FRMD4B: variants seen among roughly 807,000 people sequenced by gnomAD.
FRMD4B encodes FERM domain-containing protein 4B.
FRMD4B carries 74 observed loss-of-function variants against 141.5 expected under a neutral mutation model. The ratio of observed to expected loss-of-function variants is 0.52; its 90% CI spans 0.43 to 0.63. The LOEUF (loss-of-function observed/expected upper bound fraction) is 0.63, where lower values mean the gene tolerates loss of function less well. Ranked by LOEUF, FRMD4B falls within the 30% of genes least tolerant of loss-of-function variation. FRMD4B has a pLI of 0.00. For missense variants in FRMD4B, 1,366 were observed against 1,253.4 expected (o/e 1.09, Z -1.36); for synonymous variants, 506 against 467.9 (o/e 1.08, Z -1.05).
Position 69,228,333 on chromosome 3 carries a change from G to C in FRMD4B, c.582-3643C>G, listed in dbSNP as rs190599672. 2,067 of 456,792 alleles carry C rather than the reference G, an allele frequency of 4.5e-3. 58 individuals carry two copies. Among genetic ancestry groups the C allele is most frequent in the South Asian group, 0.031 (2,022 of 64,558 alleles). 28.3% of individuals were successfully genotyped at this position (456,792 alleles called of 1,614,324 possible). On this transcript the variant is annotated intron_variant, in intron 7 of 22. Coordinates refer to ENST00000398540, the MANE Select transcript of FRMD4B (RefSeq NM_015123.3). ...GTCACTCTGAATATTAGACATCTCA[G>C]ATGCAAATATCTTGGGGCCAAGTGA...
intron 1 of FRMD4B, among the ~76,000 whole-genome samples, chr3:69,316,361 G>C (rs567138449): frequency 6.6e-6 from 1 of 152,256 alleles, no homozygotes; most frequent in East Asian, 1.9e-4. Context: ...TATTATCTCA[G>C]TAAAGCTCTG....
chr3:69,274,280 T>C (rs755595911), intron 5 of FRMD4B, among the ~76,000 whole-genome samples: 2 of 152,136 alleles, frequency 1.3e-5, no homozygotes, highest in Non-Finnish European at 2.9e-5. Context: ...AACTCATCCA[T>C]TGAGGTAGAA....
chr3:69,350,085 G>A (rs2107426762), intron 1 of FRMD4B, among the ~76,000 whole-genome samples: 1 of 152,162 alleles, frequency 6.6e-6, no homozygotes, highest in East Asian at 1.9e-4. Context: ...CTGACAAAGG[G>A]CTAATATCCA....
At chr3:69,527,067 C>T (rs539060231) in intron 1 of FRMD4B, among the ~76,000 whole-genome samples, 1 of 152,288 alleles carries the variant, frequency 6.6e-6, no homozygotes, top group East Asian at 1.9e-4. Context: ...GCCATTCACA[C>T]CCTTTGCTAT....
At chr3:69,323,119 G>C (rs887020716) in intron 1 of FRMD4B, 1 of 283,628 alleles carries the variant, frequency 3.5e-6, no homozygotes, top group Non-Finnish European at 5.3e-6. Context: ...TGAAATGAGG[G>C]AAGAGGGGAG....
At chr3:69,395,255 A>G (rs750091827) in intron 2 of FRMD4B, among the ~76,000 whole-genome samples, 1 of 152,178 alleles carries the variant, frequency 6.6e-6, no homozygotes, top group Non-Finnish European at 1.5e-5. Context: ...TTTATGGTAG[A>G]TAAAAGAGCG....
At position 69,267,589 on chromosome 3, in the gene FRMD4B, GTGTGTGTATATATATATATA is replaced by G. The variant is rs374620905; in HGVS notation, c.502-17510_502-17491del. ...TACATATATATATATGTGTGTGTGT[GTGTGTGTATATATATATATA>G]TATATATATATATATATATATATAT... On this transcript the variant is annotated intron_variant, in intron 5 of 22. Transcript: ENST00000398540. Among the ~76,000 whole-genome samples, 184 of 101,258 alleles carry G rather than the reference GTGTGTGTATATATATATATA, an allele frequency of 1.8e-3. 15 individuals are homozygous for G. The highest frequency in any genetic ancestry group is 5.5e-3 in the Middle Eastern group (1 of 182). 66.4% of individuals were successfully genotyped at this position (101,258 alleles called of 152,430 possible).
At chr3:69,260,382 G>A (rs1015845506) in intron 5 of FRMD4B, among the ~76,000 whole-genome samples, 5 of 152,210 alleles carry the variant, frequency 3.3e-5, no homozygotes, top group African/African-American at 7.2e-5. Flanking sequence ...GCTGGTCGTC[G>A]CCGCCAGCCC....
intron 5 of FRMD4B, among the ~76,000 whole-genome samples, chr3:69,282,341 A>C (rs937890348): frequency 6.6e-6 from 1 of 152,172 alleles, no homozygotes; most frequent in African/African-American, 2.4e-5. Flanking sequence ...CCCTCTGTGC[A>C]GTGTGGAGGG....
intron 1 of FRMD4B, among the ~76,000 whole-genome samples, chr3:69,515,126 T>A (rs994296224): frequency 4.6e-5 from 7 of 152,134 alleles, no homozygotes; most frequent in African/African-American, 1.7e-4. Context: ...GTGTCTTACA[T>A]GGCAGGAACA....
chr3:69,515,319 C>T (rs1219746040), intron 1 of FRMD4B, among the ~76,000 whole-genome samples: 1 of 152,154 alleles, frequency 6.6e-6, no homozygotes, highest in Non-Finnish European at 1.5e-5. Flanking sequence ...GATTACAATT[C>T]CACATGAGAT....
chr3:69,386,553 A>C (rs1353517496), upstream of FRMD4B, among the ~76,000 whole-genome samples: 1 of 146,506 alleles, frequency 6.8e-6, no homozygotes, highest in Non-Finnish European at 1.5e-5. Flanking sequence ...GGGCAGCCAC[A>C]GATGCAGAAG....
chr3:69,206,853 A>AT (rs10706734), intron 11 of FRMD4B, among the ~76,000 whole-genome samples: 6 of 151,720 alleles, frequency 4.0e-5, no homozygotes, highest in African/African-American at 1.2e-4. Context: ...GGCTTAATAC[A>AT]TTTTTTTTTG....
At chr3:69,458,919 A>G (rs1330568396) in intron 1 of FRMD4B, among the ~76,000 whole-genome samples, 1 of 151,624 alleles carries the variant, frequency 6.6e-6, no homozygotes, top group Non-Finnish European at 1.5e-5. Flanking sequence ...ATTCACAAAG[A>G]TGTCACTTAA....
At chr3:69,219,342 T>TA (rs35987403) in intron 9 of FRMD4B, among the ~76,000 whole-genome samples, 14,009 of 152,204 alleles carry the variant, frequency 0.092, 669 homozygotes, top group Middle Eastern at 0.12. Context: ...GTAGACTTTT[T>TA]AATGACATTT....
intron 1 of FRMD4B, among the ~76,000 whole-genome samples, chr3:69,500,994 A>T (rs372583363): frequency 6.6e-6 from 1 of 152,330 alleles, no homozygotes; most frequent in African/African-American, 2.4e-5. Flanking sequence ...TTGTATTTTT[A>T]AAATATTATC....
intron 1 of FRMD4B, among the ~76,000 whole-genome samples, chr3:69,473,134 G>C (rs1313089926): frequency 6.6e-6 from 1 of 151,928 alleles, no homozygotes; most frequent in East Asian, 1.9e-4. Context: ...AAAACCTTTA[G>C]CCCTTCTTTT....
intron 1 of FRMD4B, among the ~76,000 whole-genome samples, chr3:69,318,852 T>C (rs753017986): frequency 6.6e-6 from 1 of 152,214 alleles, no homozygotes; most frequent in Non-Finnish European, 1.5e-5. Flanking sequence ...ATTTCTTCCA[T>C]GGCAATATTT....
intron 3 of FRMD4B, chr3:69,306,410 T>A (rs1000873638): frequency 6.6e-6 from 1 of 152,230 alleles, no homozygotes; most frequent in African/African-American, 2.4e-5. Flanking sequence ...GTAAAGTCTA[T>A]CTGTTATTTC....
Sources: gnomAD v4.1 joint callset for allele counts (sites outside exome capture counted in the v4.1 genomes callset) on GRCh38, gnomAD v4.1.1 for gene constraint, MANE v1.5 for transcripts, NCBI Gene and HGNC (gene_info 2026-07-23, HGNC 2026-07-21) for gene names.